Variants in NCOR1 observed in about 807,000 individuals in gnomAD.
NCOR1 encodes the protein protein phosphatase 1, regulatory subunit 109.
NCOR1 carries 63 observed loss-of-function variants against 288.1 expected under a neutral mutation model. The ratio of observed to expected loss-of-function variants is 0.22; its 90% CI spans 0.18 to 0.27. NCOR1 has a LOEUF of 0.27. Ranked by LOEUF, NCOR1 falls within the 10% of genes least tolerant of loss-of-function variation. The probability of loss-of-function intolerance (pLI) is 1.00; values close to 1 mark genes in which losing one functional copy is unlikely to be tolerated. For missense variants in NCOR1, 2,397 were observed against 3,019.2 expected (o/e 0.79, Z 4.83); for synonymous variants, 1,007 against 1,065.9 (o/e 0.94, Z 1.08).
Position 16,057,746 on chromosome 17 carries a change from G to A in NCOR1, c.6169-9C>T, listed in dbSNP as rs1597982883. The A allele has an allele frequency of 6.2e-7, 1 of 1,611,226 alleles. No individual in the cohort carries two copies. The highest frequency in any genetic ancestry group is 8.5e-7 in the Non-Finnish European group (1 of 1,178,080). On this transcript the variant is annotated splice_polypyrimidine_tract_variant and intron_variant, in intron 39 of 45. Coordinates refer to ENST00000268712, the MANE Select transcript of NCOR1 (RefSeq NM_006311.4). ...TCTTGTGTGATAATTTGCTGTGAAT[G>A]AGAAATGAAGGAAGTGGTAAAATTC...
At chr17:16,175,444 G>A (rs536806013) in intron 3 of NCOR1, among the ~76,000 whole-genome samples, 2 of 151,228 alleles carry the variant, frequency 1.3e-5, no homozygotes, top group Admixed American at 6.6e-5. Context: ...TTGTCATCTC[G>A]TAACACCATC....
At chr17:16,094,839 T>C (rs1329666389) in intron 21 of NCOR1, among the ~76,000 whole-genome samples, 2 of 151,872 alleles carry the variant, frequency 1.3e-5, no homozygotes, top group Non-Finnish European at 2.9e-5. Context: ...GGTGCCGGGA[T>C]TGCAGATGGA....
intron 6 of NCOR1, among the ~76,000 whole-genome samples, chr17:16,157,573 A>C (rs2080021585): frequency 6.6e-6 from 1 of 152,186 alleles, no homozygotes; most frequent in South Asian, 2.1e-4. Flanking sequence ...GGACTACTAT[A>C]AAGTTACAGA....
At chr17:16,131,910 G>C (rs1263136891) in intron 14 of NCOR1, among the ~76,000 whole-genome samples, 1 of 152,168 alleles carries the variant, frequency 6.6e-6, no homozygotes, top group Non-Finnish European at 1.5e-5. Context: ...AAGTATCACT[G>C]ACCCCACTCT....
chr17:16,157,087 G>A lies in NCOR1; in HGVS notation c.732+1673C>T, dbSNP rs531824996. Among the ~76,000 whole-genome samples the A allele has an allele frequency of 1.1e-4, 16 of 151,024 alleles. No homozygotes were observed. The East Asian group carries it at 1.6e-3, about 15-fold the overall frequency. On this transcript the variant is annotated intron_variant, in intron 6 of 45. Coordinates refer to ENST00000268712, the MANE Select transcript of NCOR1 (RefSeq NM_006311.4). Reference sequence around the variant, plus strand: ...GTCACAAACTGGCCATGGAGCCCATGAGCCCACAAAAGTGTTTTGCAGCTA... The same window carrying A: ...GTCACAAACTGGCCATGGAGCCCATAAGCCCACAAAAGTGTTTTGCAGCTA...
chr17:16,179,062 C>T (rs1024968864), intron 3 of NCOR1, among the ~76,000 whole-genome samples: 2 of 152,108 alleles, frequency 1.3e-5, no homozygotes, highest in African/African-American at 2.4e-5. Context: ...AAGATCATGT[C>T]ACTGCACCCC....
chr17:16,186,620 T>TAACA lies in NCOR1; in HGVS notation c.175_176insTGTT (p.Gln59LeufsTer23), dbSNP rs768790946. The TAACA allele has an allele frequency of 6.2e-7, 1 of 1,614,012 alleles. No individual in the cohort carries two copies. Among genetic ancestry groups the TAACA allele is most frequent in the Non-Finnish European group, 8.5e-7 (1 of 1,179,980 alleles). Reference sequence around the variant, plus strand: ...CCTTCGAAGCTGTTGCTGCTGCTGTTGCTGCAAAAGCTGTGATGCCTGACT... The same window carrying TAACA: ...CCTTCGAAGCTGTTGCTGCTGCTGTTAACAGCTGCAAAAGCTGTGATGCCTGACT... On this transcript the variant is annotated frameshift_variant, in exon 3 of 46. Coordinates refer to ENST00000268712, the MANE Select transcript of NCOR1 (RefSeq NM_006311.4). LOFTEE classifies it high-confidence loss of function.
chr17:16,198,896 C>CA (rs755569365), intron 1 of NCOR1, among the ~76,000 whole-genome samples: 134 of 149,748 alleles, frequency 8.9e-4, no homozygotes, highest in Non-Finnish European at 1.6e-3. Context: ...AATGAAGAGG[C>CA]AAAAAAAAAG....
At chr17:16,203,024 T>G (rs1476531829) in intron 1 of NCOR1, among the ~76,000 whole-genome samples, 2 of 143,636 alleles carry the variant, frequency 1.4e-5, no homozygotes, top group Non-Finnish European at 3.0e-5. Context: ...CAACAGCAAG[T>G]TGTTTAGCTG....
chr17:16,077,135 G>A (rs958813097), intron 26 of NCOR1, among the ~76,000 whole-genome samples: 4 of 152,074 alleles, frequency 2.6e-5, no homozygotes, highest in African/African-American at 9.7e-5. Context: ...GGTGGCTTGC[G>A]CCTGTAATCC....
chr17:16,108,223 A>G, intron 19 of NCOR1: 1 of 312,358 alleles, frequency 3.2e-6, no homozygotes, highest in Non-Finnish European at 6.5e-6. Flanking sequence ...ATCAGAGTGT[A>G]AACTGAAATA....
intron 14 of NCOR1, among the ~76,000 whole-genome samples, chr17:16,130,988 A>T (rs2075529957): frequency 1.6e-5 from 2 of 121,778 alleles, no homozygotes; most frequent in Admixed American, 1.7e-4. Flanking sequence ...CGCACCTGGA[A>T]TTTTTTTTTT....
chr17:16,145,993 T>C (rs1476338960), intron 10 of NCOR1, among the ~76,000 whole-genome samples: 1 of 152,166 alleles, frequency 6.6e-6, no homozygotes, highest in African/African-American at 2.4e-5. Flanking sequence ...TCTATAACCT[T>C]ACCCCCAACC....
chr17:16,086,476 G>A, intron 22 of NCOR1, 34 bp from the exon 23 acceptor site: 1 of 1,579,056 alleles, frequency 6.3e-7, no homozygotes, highest in South Asian at 1.1e-5. Context: ...TTTTAAACTA[G>A]TCCATTTCCT....
Position 16,058,614 on chromosome 17 carries a change from A to C in NCOR1, c.5882-15T>G, listed in dbSNP as rs185659502. The C allele has an allele frequency of 6.3e-6, 10 of 1,583,754 alleles. No individual in the cohort carries two copies. The East Asian group carries it at 1.1e-4, about 18-fold the overall frequency. On this transcript the variant is annotated splice_polypyrimidine_tract_variant and intron_variant, in intron 37 of 45. Coordinates refer to ENST00000268712, the MANE Select transcript of NCOR1 (RefSeq NM_006311.4). ...GTGAGAAGATACTTTAAGAAAAGAA[A>C]ATCTTATTTCAAAACTAATCCCAGG...
intron 44 of NCOR1, among the ~76,000 whole-genome samples, chr17:16,037,137 G>C (rs1393464625): frequency 6.6e-6 from 1 of 152,198 alleles, no homozygotes; most frequent in African/African-American, 2.4e-5. Context: ...GGAGGAGAGA[G>C]ACAGGGAACA....
At chr17:16,056,279 C>A (rs1018772252) in intron 40 of NCOR1, among the ~76,000 whole-genome samples, 39 of 145,510 alleles carry the variant, frequency 2.7e-4, no homozygotes, top group African/African-American at 9.6e-4. Flanking sequence ...CTGCCCATAT[C>A]TCAGTCTTGT....
At chr17:16,164,102 A>G (rs1223039791) in intron 5 of NCOR1, among the ~76,000 whole-genome samples, 2 of 152,110 alleles carry the variant, frequency 1.3e-5, no homozygotes, top group Non-Finnish European at 2.9e-5. Context: ...ATACATTAAA[A>G]GCACTTAAAG....
chr17:16,063,438 C>G (rs2060759521), intron 35 of NCOR1, among the ~76,000 whole-genome samples: 1 of 152,178 alleles, frequency 6.6e-6, no homozygotes, highest in Admixed American at 6.5e-5. Flanking sequence ...CTGCCTTGGC[C>G]TCCTGAGTAG....
Sources: gnomAD v4.1 joint callset for allele counts (sites outside exome capture counted in the v4.1 genomes callset) on GRCh38, gnomAD v4.1.1 for gene constraint, MANE v1.5 for transcripts, NCBI Gene and HGNC (gene_info 2026-07-23, HGNC 2026-07-21) for gene names.